CDIN1: variants seen among roughly 807,000 people sequenced by gnomAD.
CDIN1 encodes the protein CDAN1 interacting nuclease 1, also known as CDAN1-interacting nuclease 1.
CDIN1 carries 33 observed loss-of-function variants against 45.3 expected under a neutral mutation model. The observed-to-expected ratio is 0.73, with a 90% CI of 0.55 to 0.97. CDIN1 has a LOEUF of 0.97. Ranked by LOEUF, CDIN1 falls within the 50% of genes least tolerant of loss-of-function variation. CDIN1 has a pLI of 0.00. For synonymous variants in CDIN1, 118 were observed against 124.4 expected, an observed-to-expected ratio of 0.95 and a Z score of 0.34; for missense variants, 303 against 339.4, an observed-to-expected ratio of 0.89 and a Z score of 0.84.
At chr15:36,800,879 ATGTGTGTGTG>A (rs1163549097) in intron 10 of CDIN1, among the ~76,000 whole-genome samples, 42 of 82,482 alleles carry the variant, frequency 5.1e-4, no homozygotes, top group African/African-American at 1.6e-3. Flanking sequence ...GTGTGTATAT[ATGTGTGTGTG>A]TGTGTGTGTG....
At chr15:36,774,163 T>TGTGTGC (rs149222188) in intron 10 of CDIN1, among the ~76,000 whole-genome samples, 21 of 143,150 alleles carry the variant, frequency 1.5e-4, no homozygotes, top group African/African-American at 5.3e-4. Context: ...TGTGTGTGTG[T>TGTGTGC]GCGCGCGCGC....
At chr15:36,603,119 A>C (rs534401481) in intron 1 of CDIN1, among the ~76,000 whole-genome samples, 64 of 152,332 alleles carry the variant, frequency 4.2e-4, no homozygotes, top group South Asian at 1.2e-3. Flanking sequence ...TTTAGCTGAA[A>C]AAGTTTATTT....
At chr15:36,770,851 C>T (rs2054058422) in intron 10 of CDIN1, among the ~76,000 whole-genome samples, 1 of 152,216 alleles carries the variant, frequency 6.6e-6, no homozygotes, top group Non-Finnish European at 1.5e-5. Flanking sequence ...TCCCAAACTG[C>T]TGCACATTAG....
intron 3 of CDIN1, among the ~76,000 whole-genome samples, chr15:36,647,228 T>G (rs569047895): frequency 6.6e-6 from 1 of 151,982 alleles, no homozygotes; most frequent in South Asian, 2.1e-4. Context: ...GTCTTGCTAC[T>G]TTGCCCAGGC....
intron 5 of CDIN1, among the ~76,000 whole-genome samples, chr15:36,675,346 G>A (rs1024625575): frequency 6.6e-6 from 1 of 152,100 alleles, no homozygotes; most frequent in South Asian, 2.1e-4. Flanking sequence ...CACGGCCACT[G>A]TAAAAAATTG....
intron 5 of CDIN1, among the ~76,000 whole-genome samples, chr15:36,670,367 G>A (rs1018865433): frequency 3.9e-5 from 6 of 152,028 alleles, no homozygotes; most frequent in African/African-American, 1.4e-4. Context: ...TCTTTCGTTA[G>A]TTACTCTTGT....
At chr15:36,646,862 A>G (rs894064401) in intron 3 of CDIN1, among the ~76,000 whole-genome samples, 3 of 152,132 alleles carry the variant, frequency 2.0e-5, no homozygotes, top group African/African-American at 4.8e-5. Context: ...CATTTGCCTC[A>G]TTGTAAGGAG....
chr15:36,591,149 C>T (rs1187822585), intron 1 of CDIN1, among the ~76,000 whole-genome samples: 2 of 152,088 alleles, frequency 1.3e-5, no homozygotes, highest in Non-Finnish European at 2.9e-5. Context: ...TTGTAAGTGG[C>T]TTCTCTTGTG....
chr15:36,734,806 C>G (rs1230238725), intron 10 of CDIN1, among the ~76,000 whole-genome samples: 3 of 152,148 alleles, frequency 2.0e-5, no homozygotes, highest in African/African-American at 7.2e-5. Context: ...ATTTTTCCAA[C>G]TAGTCAATGA....
At chr15:36,669,060 C>T (rs2041353230) in intron 5 of CDIN1, 1 of 152,008 alleles carries the variant, frequency 6.6e-6, no homozygotes. Flanking sequence ...TTTAGAGATC[C>T]TTTTCGGAAA....
intron 10 of CDIN1, among the ~76,000 whole-genome samples, chr15:36,787,745 G>A (rs886420414): frequency 2.6e-5 from 4 of 151,792 alleles, no homozygotes; most frequent in African/African-American, 9.7e-5. Flanking sequence ...GTCACTTAAG[G>A]ACTGATTTCT....
At chr15:36,618,354 A>C in intron 1 of CDIN1, 1 of 683,366 alleles carries the variant, frequency 1.5e-6, no homozygotes. Flanking sequence ...TTAGGAGCAA[A>C]CTTAACTTCA....
intron 10 of CDIN1, among the ~76,000 whole-genome samples, chr15:36,803,020 A>G (rs1396362069): frequency 1.3e-5 from 2 of 151,954 alleles, no homozygotes; most frequent in Non-Finnish European, 2.9e-5. Context: ...AGATCGACAA[A>G]GCCTGCTAGC....
intron 10 of CDIN1, among the ~76,000 whole-genome samples, chr15:36,722,899 A>C (rs1391514876): frequency 2.0e-5 from 3 of 152,016 alleles, no homozygotes; most frequent in African/African-American, 7.2e-5. Context: ...TCTTATAAAA[A>C]TTAAATTTCT....
In CDIN1 at chr15:36,763,223, T is replaced by G. The variant is rs556271797; in HGVS notation, c.717-45101T>G. On this transcript the variant is annotated intron_variant, in intron 10 of 10. Transcript: ENST00000566621. Reference sequence around the variant, plus strand: ...GATGGTATCTCGTTGTGGTTTTTATTTGCATTTCTCTGATGGCCAGGGATG... The same window carrying G: ...GATGGTATCTCGTTGTGGTTTTTATGTGCATTTCTCTGATGGCCAGGGATG... Among the ~76,000 whole-genome samples the G allele has an allele frequency of 2.5e-3, 374 of 152,344 alleles. 3 individuals carry two copies. Among genetic ancestry groups the G allele is most frequent in the African/African-American group, 8.5e-3 (354 of 41,580 alleles).
At chr15:36,619,164 A>T (rs1433768051) in intron 1 of CDIN1, 1 of 1,208,948 alleles carries the variant, frequency 8.3e-7, no homozygotes, top group Non-Finnish European at 1.2e-6. Context: ...GAGCAGCTGG[A>T]AAAATCAGGG....
intron 10 of CDIN1, among the ~76,000 whole-genome samples, chr15:36,793,039 C>A (rs1171600642): frequency 1.3e-5 from 2 of 151,970 alleles, no homozygotes. Flanking sequence ...TATCTCCCCC[C>A]TCTTACCCAC....
At position 36,579,886 on chromosome 15, in the gene CDIN1, A is replaced by G. The variant is rs369346271; in HGVS notation, c.26A>G (p.Asp9Gly). 2.6e-4 allele frequency: 412 copies of G among 1,613,956 alleles called. 2 individuals carry two copies. The South Asian group carries it at 4.1e-3, about 16-fold the overall frequency. Residue 9 changes from aspartate to glycine, a missense_variant, in exon 1 of 11, where the codon GAC becomes GGC. By Grantham distance (94) the Asp-to-Gly change is moderately conservative. Transcript: ENST00000566621. ...ATGATACTGACCAAAGCTCAGTACG[A>G]CGAGATAGCCCAGTGCCTAGTGTCT... MILTKAQY[D>G]EIAQCLVSVP... is the part of the protein sequence containing the mutation.
intron 1 of CDIN1, among the ~76,000 whole-genome samples, chr15:36,584,032 A>G (rs1297876819): frequency 6.6e-6 from 1 of 152,198 alleles, no homozygotes; most frequent in Non-Finnish European, 1.5e-5. Flanking sequence ...ACCATAAAAA[A>G]TAAAATAAAG....
Sources: allele counts gnomAD v4.1 joint callset (sites outside exome capture counted in the v4.1 genomes callset), GRCh38; gene constraint gnomAD v4.1.1; transcripts MANE v1.5; gene names NCBI Gene and HGNC (gene_info 2026-07-23, HGNC 2026-07-21).